Variants in SETD2 observed in about 807,000 individuals in gnomAD.
The protein encoded by SETD2 is histone-lysine N-methyltransferase SETD2.
A neutral mutation model predicts 242.1 loss-of-function variants in SETD2; 31 were observed. The observed-to-expected ratio is 0.13, with a 90% CI of 0.10 to 0.17. The LOEUF is 0.17. Among genes scored for constraint, SETD2 ranks in the 10% least tolerant of loss-of-function variants. The pLI is 1.00. For synonymous variants in SETD2, 1,006 were observed against 1,066.5 expected (o/e 0.94, Z 1.11); for missense variants, 2,481 against 3,046.3 (o/e 0.81, Z 4.37).
At chr3:47,127,332 G>C (rs1161115851) in intron 1 of SETD2, among the ~76,000 whole-genome samples, 1 of 147,942 alleles carries the variant, frequency 6.8e-6, no homozygotes. Context: ...CACTCCAGCT[G>C]TGGTGATGGC....
At chr3:47,110,902 T>C (rs1396728120) in intron 5 of SETD2, among the ~76,000 whole-genome samples, 2 of 152,004 alleles carry the variant, frequency 1.3e-5, no homozygotes, top group East Asian at 3.9e-4. Context: ...CCAGTCTCCT[T>C]TCCCCTTAAT....
chr3:47,122,427 T>C lies in SETD2; in HGVS notation c.2209A>G (p.Met737Val). 6.2e-7 allele frequency: 1 copy of C among 1,614,190 alleles called. No individual in the cohort carries two copies. Among genetic ancestry groups the C allele is most frequent in the Non-Finnish European group, 8.5e-7 (1 of 1,180,020 alleles). The change falls in exon 3 of 21, where the codon ATG (methionine) becomes GTG (valine). Residue 737 changes from methionine (M) to valine (V), a missense_variant. Transcript: ENST00000409792. ...GGGCTTTCTGACTTCTTATGCAGCA[T>C]GCAGGTATCATCCAAGTCTTTTTCT... ...CKEKDLDDTC[M>V]LHKKSESPFR...
At chr3:47,133,585 T>C (rs2106768002) in intron 1 of SETD2, among the ~76,000 whole-genome samples, 1 of 151,850 alleles carries the variant, frequency 6.6e-6, no homozygotes, top group Non-Finnish European at 1.5e-5. Context: ...ATACAAAAAT[T>C]AGCCAGGCGT....
At chr3:47,115,983 A>G (rs923930122) in intron 4 of SETD2, among the ~76,000 whole-genome samples, 3 of 152,214 alleles carry the variant, frequency 2.0e-5, no homozygotes, top group African/African-American at 7.2e-5. Context: ...TTTACTATTT[A>G]TAAGAACAAT....
In SETD2 at chr3:47,017,568, A is replaced by T; in HGVS notation, c.7533+70T>A. 9.0e-7 allele frequency: 1 copy of T among 1,108,520 alleles called. No individual in the cohort carries two copies. The highest frequency in any genetic ancestry group is 1.4e-6 in the Non-Finnish European group (1 of 732,118). 68.7% of individuals were successfully genotyped at this position (1,108,520 alleles called of 1,614,324 possible). On this transcript the variant is annotated intron_variant, in intron 20 of 20. Transcript: ENST00000409792. This position sits in a 1 kb window ranked among gnomAD's most constrained non-coding sequence, Gnocchi z 4.8. Reference sequence around the variant, plus strand: ...AAAAAAAATACTTTCTATGATGAAAAGGGCTTCTTAGAAGGTACACAGTTT... The same window carrying T: ...AAAAAAAATACTTTCTATGATGAAATGGGCTTCTTAGAAGGTACACAGTTT...
At chr3:47,029,059 C>A in intron 18 of SETD2, 1 of 178,778 alleles carries the variant, frequency 5.6e-6, no homozygotes, top group Non-Finnish European at 1.1e-5. Context: ...CACCCCCAAA[C>A]TTTTAATTTT....
At position 47,149,391 on chromosome 3, in the gene SETD2, G is replaced by GA. The variant is rs556163021; in HGVS notation, c.71+14462dup. ...AAGTCACAATGAGCAAGCTAAAGGG[G>GA]AAAAAAAAAAAGTTGGGAGCCACAG... On this transcript the variant is annotated intron_variant, in intron 1 of 20. Transcript: ENST00000409792. Among the ~76,000 whole-genome samples, 22 of 144,442 alleles carry GA rather than the reference G, an allele frequency of 1.5e-4. No individual in the cohort carries two copies. In the South Asian group the frequency reaches 2.0e-3, roughly 13 times the overall value. The allele number at this position is 144,442 out of a possible 152,430, so 94.8% of individuals were successfully genotyped here.
intron 9 of SETD2, among the ~76,000 whole-genome samples, chr3:47,091,554 G>A (rs546914646): frequency 1.2e-4 from 19 of 152,286 alleles, no homozygotes; most frequent in Admixed American, 1.0e-3. Flanking sequence ...CCTAAGGTCA[G>A]GAGTTCAAGA....
At chr3:47,138,033 G>A (rs1279439682) in intron 1 of SETD2, among the ~76,000 whole-genome samples, 5 of 151,604 alleles carry the variant, frequency 3.3e-5, no homozygotes, top group Middle Eastern at 3.4e-3. Context: ...GTGCAGTGGC[G>A]CGATCTCGGC....
chr3:47,143,849 TAC>T (rs1234599844), intron 1 of SETD2, among the ~76,000 whole-genome samples: 1 of 152,176 alleles, frequency 6.6e-6, no homozygotes, highest in Non-Finnish European at 1.5e-5. Flanking sequence ...TAGCTGGGAC[TAC>T]AGACACCCAC....
intron 1 of SETD2, among the ~76,000 whole-genome samples, chr3:47,144,697 G>A (rs1473293964): frequency 6.6e-6 from 1 of 151,952 alleles, no homozygotes; most frequent in African/African-American, 2.4e-5. Flanking sequence ...GCCAGGCACG[G>A]TGGCCCACAC....
intron 18 of SETD2, among the ~76,000 whole-genome samples, chr3:47,033,691 C>T (rs549122691): frequency 1.8e-5 from 2 of 113,082 alleles, no homozygotes; most frequent in South Asian, 3.1e-4. Flanking sequence ...GACAGAGTCT[C>T]GCTCTTGTTG....
At chr3:47,068,622 G>A (rs147773852) in intron 12 of SETD2, among the ~76,000 whole-genome samples, 1 of 150,942 alleles carries the variant, frequency 6.6e-6, no homozygotes, top group African/African-American at 2.4e-5. Context: ...TCAGCCTCCT[G>A]AGTAGCAGGG....
chr3:47,116,806 T>C (rs567973888), intron 3 of SETD2, 52 bp from the exon 4 acceptor site: 4 of 1,259,534 alleles, frequency 3.2e-6, no homozygotes, highest in South Asian at 1.3e-5. Flanking sequence ...CTGGTAAAGA[T>C]ATAACATATA....
intron 17 of SETD2, among the ~76,000 whole-genome samples, chr3:47,038,664 T>C (rs570911236): frequency 1.3e-5 from 2 of 151,960 alleles, no homozygotes; most frequent in Admixed American, 6.6e-5. Flanking sequence ...CTGCTAAAAA[T>C]ATTCCCGACC....
chr3:47,098,210 T>G (rs570837825), intron 8 of SETD2, 129 bp from the exon 9 acceptor site: 1 of 778,200 alleles, frequency 1.3e-6, no homozygotes, highest in East Asian at 2.9e-5. Context: ...TTGAAGAGAT[T>G]CCAACAAGTC....
chr3:47,124,379 T>G lies in SETD2; in HGVS notation c.257A>C (p.Asn86Thr). 6.4e-7 allele frequency: 1 copy of G among 1,551,972 alleles called. No homozygotes were observed. Among genetic ancestry groups the G allele is most frequent in the South Asian group, 1.2e-5 (1 of 84,062 alleles). Residue 86 changes from asparagine (N) to threonine (T), a missense_variant, in exon 3 of 21, where the codon AAT (asparagine) becomes ACT (threonine). Asn to Thr is a moderately conservative substitution (Grantham distance 65). Around this residue, in one of 17 missense-constraint regions of SETD2, gnomAD observed 334 missense variants for 374.5 expected, o/e 0.89. Coordinates refer to ENST00000409792, the MANE Select transcript of SETD2 (RefSeq NM_014159.7). ...SFSLTKKTLQ[N>T]RFLTALGNEK... ...ATTGCCAAGTGCAGTGAGAAACCTA[T>G]TCTGCAAAGTTTTCTTTGTAAGGCT...
At chr3:47,096,139 T>C (rs756997326) in intron 9 of SETD2, among the ~76,000 whole-genome samples, 1 of 152,186 alleles carries the variant, frequency 6.6e-6, no homozygotes, top group Non-Finnish European at 1.5e-5. Context: ...GTTATGGCCA[T>C]AGTTGCCTCA....
At chr3:47,148,024 A>G (rs941126214) in intron 1 of SETD2, among the ~76,000 whole-genome samples, 3 of 151,842 alleles carry the variant, frequency 2.0e-5, no homozygotes, top group Non-Finnish European at 4.4e-5. Flanking sequence ...AAAGTATTAT[A>G]CTCATTGGTG....
Sources: allele counts gnomAD v4.1 joint callset (sites outside exome capture counted in the v4.1 genomes callset), GRCh38; gene constraint gnomAD v4.1.1; regional missense constraint gnomAD v4.1.1; non-coding constraint Gnocchi (gnomAD v3.1); transcripts MANE v1.5; gene names NCBI Gene and HGNC (gene_info 2026-07-23, HGNC 2026-07-21).